The following PTPRK variants were observed in gnomAD, a reference collection of about 807,000 sequenced individuals.
The protein encoded by PTPRK is protein tyrosine phosphatase receptor type K.
A neutral mutation model predicts 178.0 loss-of-function variants in PTPRK; 75 were observed. That is an observed-to-expected ratio of 0.42 (90% confidence interval 0.35 to 0.51). The LOEUF is 0.51. Ranked by LOEUF, PTPRK falls within the 20% of genes least tolerant of loss-of-function variation. PTPRK has a pLI of 0.02. For missense variants in PTPRK, 1,441 were observed against 1,797.8 expected (o/e 0.80, Z 3.59); for synonymous variants, 637 against 620.6 (o/e 1.03, Z -0.39).
chr6:128,151,420 C>A (rs188523131), intron 7 of PTPRK, among the ~76,000 whole-genome samples: 1 of 151,972 alleles, frequency 6.6e-6, no homozygotes, highest in Non-Finnish European at 1.5e-5. Context: ...CTTTAAACAT[C>A]TCTTTAGTAG....
At chr6:128,165,760 A>T (rs1799310046) in intron 7 of PTPRK, among the ~76,000 whole-genome samples, 1 of 151,492 alleles carries the variant, frequency 6.6e-6, no homozygotes, top group African/African-American at 2.4e-5. Flanking sequence ...TAAATTCATA[A>T]GGTACTATGA....
chr6:128,140,483 T>C (rs1181340005), intron 7 of PTPRK, among the ~76,000 whole-genome samples: 1 of 152,008 alleles, frequency 6.6e-6, no homozygotes, highest in Non-Finnish European at 1.5e-5. Context: ...GCTTGAATTG[T>C]TATAGTGTCT....
At chr6:128,417,822 G>A (rs920802249) in intron 1 of PTPRK, among the ~76,000 whole-genome samples, 6 of 152,204 alleles carry the variant, frequency 3.9e-5, no homozygotes, top group African/African-American at 1.2e-4. Flanking sequence ...GGAATCTTAC[G>A]TGGTATGAGA....
chr6:128,421,367 T>C (rs921379694), intron 1 of PTPRK, among the ~76,000 whole-genome samples: 5 of 152,182 alleles, frequency 3.3e-5, no homozygotes, highest in African/African-American at 9.6e-5. Context: ...CCCATAAATA[T>C]TTTTAAGAAC....
At chr6:128,186,461 T>C (rs1802781178) in intron 6 of PTPRK, among the ~76,000 whole-genome samples, 1 of 152,090 alleles carries the variant, frequency 6.6e-6, no homozygotes, top group Admixed American at 6.6e-5. Flanking sequence ...TGCAAACATT[T>C]ATAATTTCTA....
chr6:128,041,855 T>C (rs1331166455), intron 13 of PTPRK, among the ~76,000 whole-genome samples: 5 of 151,276 alleles, frequency 3.3e-5, no homozygotes, highest in Middle Eastern at 3.4e-3. Context: ...GTGTTGTCTG[T>C]GTATATATAG....
intron 7 of PTPRK, among the ~76,000 whole-genome samples, chr6:128,152,492 G>A (rs773490029): frequency 1.6e-4 from 25 of 151,838 alleles, no homozygotes; most frequent in Non-Finnish European, 3.4e-4. Flanking sequence ...GATCCTGACA[G>A]GGTAGGGAAA....
chr6:128,198,720 T>A (rs1805371581), intron 6 of PTPRK, among the ~76,000 whole-genome samples: 2 of 152,198 alleles, frequency 1.3e-5, no homozygotes, highest in South Asian at 4.1e-4. Flanking sequence ...TCAGTTCAGT[T>A]ATTACTGCCT....
At chr6:128,010,940 C>A (rs1778981421) in intron 13 of PTPRK, among the ~76,000 whole-genome samples, 1 of 150,986 alleles carries the variant, frequency 6.6e-6, no homozygotes, top group African/African-American at 2.4e-5. Context: ...ACAGAGATAC[C>A]TTAAGGCTTT....
At chr6:128,169,213 T>C (rs1799851740) in intron 7 of PTPRK, among the ~76,000 whole-genome samples, 1 of 152,120 alleles carries the variant, frequency 6.6e-6, no homozygotes. Context: ...TCAGGTGCTC[T>C]GACACCCTAC....
At chr6:128,480,483 T>G (rs941712725) in intron 1 of PTPRK, among the ~76,000 whole-genome samples, 3 of 152,164 alleles carry the variant, frequency 2.0e-5, no homozygotes, top group African/African-American at 7.2e-5. Flanking sequence ...CATATCTCCG[T>G]GCTCTATCCA....
intron 1 of PTPRK, among the ~76,000 whole-genome samples, chr6:128,430,826 G>A (rs1248807377): frequency 6.6e-6 from 1 of 152,052 alleles, no homozygotes; most frequent in East Asian, 1.9e-4. Context: ...ACACCCCCGG[G>A]GAGAAACCTG....
chr6:128,071,322 T>C (rs1190607298), intron 11 of PTPRK, among the ~76,000 whole-genome samples: 1 of 152,034 alleles, frequency 6.6e-6, no homozygotes, highest in Non-Finnish European at 1.5e-5. Context: ...TTAAAGTGAC[T>C]GGGACAGCTA....
intron 13 of PTPRK, among the ~76,000 whole-genome samples, chr6:128,021,323 G>A (rs1424178763): frequency 6.6e-6 from 1 of 152,086 alleles, no homozygotes; most frequent in African/African-American, 2.4e-5. Context: ...TGTCTAAATT[G>A]GACCCTTTTG....
chr6:128,334,305 G>A (rs1047184287), intron 2 of PTPRK, among the ~76,000 whole-genome samples: 4 of 152,086 alleles, frequency 2.6e-5, no homozygotes, highest in Admixed American at 2.6e-4. Flanking sequence ...AGTACAATGA[G>A]GCAAAGCACA....
intron 6 of PTPRK, among the ~76,000 whole-genome samples, chr6:128,198,075 C>A (rs1216059730): frequency 6.6e-6 from 1 of 152,050 alleles, no homozygotes; most frequent in Admixed American, 6.6e-5. Flanking sequence ...ACTCTCAGCT[C>A]GGGACCCAAA....
chr6:128,382,784 T>C (rs1223728246), intron 2 of PTPRK, among the ~76,000 whole-genome samples: 2 of 152,078 alleles, frequency 1.3e-5, no homozygotes, highest in Non-Finnish European at 1.5e-5. Context: ...TCTCTTTATT[T>C]CTTCCACTCT....
chr6:128,127,963 T>C lies in PTPRK; in HGVS notation c.1163-37971A>G, dbSNP rs894455369. 3.9e-5 allele frequency among the ~76,000 whole-genome samples: 6 copies of C among 152,166 alleles called. 1 individual carries two copies. Among genetic ancestry groups the C allele is most frequent in the African/African-American group, 1.4e-4 (6 of 41,440 alleles). On this transcript the variant is annotated intron_variant, in intron 7 of 29. Transcript: ENST00000368226. ...CTATTAATATACCCTTTTAAAATGA[T>C]GTGTATTATTTATACTAATAAGGAT... is the stretch of plus-strand genomic sequence containing the variant.
chr6:128,152,696 G>A (rs1797440871), intron 7 of PTPRK, among the ~76,000 whole-genome samples: 1 of 151,950 alleles, frequency 6.6e-6, no homozygotes, highest in African/African-American at 2.4e-5. Flanking sequence ...GGCTAGTTAA[G>A]TCCCCTAAGA....
Sources: gnomAD v4.1 joint callset for allele counts (sites outside exome capture counted in the v4.1 genomes callset) on GRCh38, gnomAD v4.1.1 for gene constraint, MANE v1.5 for transcripts, NCBI Gene and HGNC (gene_info 2026-07-23, HGNC 2026-07-21) for gene names.